The following MBNL1 variants were observed in gnomAD, a reference collection of about 807,000 sequenced individuals.
The protein encoded by MBNL1 is muscleblind like splicing regulator 1, also known as muscleblind-like protein 1.
A neutral mutation model predicts 42.2 loss-of-function variants in MBNL1; 8 were observed. The observed-to-expected ratio is 0.19, with a 90% CI of 0.11 to 0.34. The LOEUF is 0.34. MBNL1 is among the 10% of genes least tolerant of loss of function. The pLI, the probability that MBNL1 is intolerant of heterozygous loss-of-function variation, is 1.00. For missense variants in MBNL1, 309 were observed against 495.3 expected (o/e 0.62, Z 3.57); for synonymous variants, 169 against 173.9 (o/e 0.97, Z 0.22).
intron 1 of MBNL1, among the ~76,000 whole-genome samples, chr3:152,278,305 C>A (rs2046434070): frequency 6.6e-6 from 1 of 152,026 alleles, no homozygotes; most frequent in South Asian, 2.1e-4. Flanking sequence ...GTCTTAGGTA[C>A]CTCTTCCAAA....
chr3:152,445,102 T>C (rs761292204), intron 4 of MBNL1, among the ~76,000 whole-genome samples, 180 bp from the exon 5 acceptor site: 53 of 152,194 alleles, frequency 3.5e-4, no homozygotes, highest in Non-Finnish European at 6.3e-4. Flanking sequence ...TATACTGAAA[T>C]GGAGTTATAA....
At chr3:152,413,739 T>C (rs2098642349) in intron 2 of MBNL1, among the ~76,000 whole-genome samples, 1 of 152,222 alleles carries the variant, frequency 6.6e-6, no homozygotes, top group Non-Finnish European at 1.5e-5. Flanking sequence ...TCTTTTATTC[T>C]ACTGCTTGTA....
chr3:152,328,976 T>G (rs1435964131), intron 2 of MBNL1, among the ~76,000 whole-genome samples: 1 of 152,126 alleles, frequency 6.6e-6, no homozygotes, highest in African/African-American at 2.4e-5. Context: ...AGTAAAATTA[T>G]AGAAGGAGCT....
intron 2 of MBNL1, among the ~76,000 whole-genome samples, chr3:152,361,745 T>A (rs1210495269): frequency 6.6e-6 from 1 of 152,278 alleles, no homozygotes; most frequent in Middle Eastern, 3.4e-3. Flanking sequence ...GATCTTGATG[T>A]CTTGATAGTT....
intron 2 of MBNL1, chr3:152,300,866 G>A (rs964601763): frequency 8.8e-6 from 7 of 793,392 alleles, no homozygotes; most frequent in Non-Finnish European, 1.1e-5. Context: ...TATTTTGTGG[G>A]CATTTTATTT....
At chr3:152,438,942 G>C (rs1449219442) in intron 4 of MBNL1, among the ~76,000 whole-genome samples, 1 of 152,056 alleles carries the variant, frequency 6.6e-6, no homozygotes, top group Admixed American at 6.5e-5. Flanking sequence ...CAGGGGACAC[G>C]TATTCCAGAC....
At chr3:152,396,024 T>C in intron 2 of MBNL1, 1 of 159,276 alleles carries the variant, frequency 6.3e-6, no homozygotes, top group South Asian at 1.6e-4. Context: ...GAGTTCTGCC[T>C]CCTGTCAGAT....
At chr3:152,265,625 A>G (rs959025816), upstream of MBNL1, 3 of 152,258 alleles carry the variant, frequency 2.0e-5, no homozygotes, top group African/African-American at 7.2e-5. Flanking sequence ...CATTATCTAT[A>G]AAAACCATAT....
intron 1 of MBNL1, among the ~76,000 whole-genome samples, chr3:152,281,805 T>C (rs900484206): frequency 3.9e-5 from 6 of 152,044 alleles, no homozygotes; most frequent in Non-Finnish European, 7.3e-5. Flanking sequence ...AATTCATTTT[T>C]TCATCACTAA....
chr3:152,341,061 G>T, intron 2 of MBNL1: 1 of 938,438 alleles, frequency 1.1e-6, no homozygotes, highest in Non-Finnish European at 1.5e-6. Context: ...ATTCATATAT[G>T]AAAACATTCA....
rs2153988559 is a variant in MBNL1, at chr3:152,463,568, A to G, written c.*1202A>G. 1.3e-5 allele frequency: 2 copies of G among 152,648 alleles called. No homozygotes were observed. The highest frequency in any genetic ancestry group is 4.1e-4 in the South Asian group (2 of 4,830). The allele number at this position is 152,648 out of a possible 1,614,324, so 9.5% of individuals were successfully genotyped here. On this transcript the variant is annotated 3_prime_UTR_variant, in exon 10 of 10. Coordinates refer to ENST00000324210, the MANE Select transcript of MBNL1 (RefSeq NM_021038.5). Reference sequence around the variant, plus strand: ...ATAAACCAAAATATGAAAATGGGAAATGTTTAATTAACCTAGTAATTGGGT... The same window carrying G: ...ATAAACCAAAATATGAAAATGGGAAGTGTTTAATTAACCTAGTAATTGGGT...
intron 1 of MBNL1, among the ~76,000 whole-genome samples, chr3:152,273,042 C>T (rs972559443): frequency 6.6e-6 from 1 of 152,160 alleles, no homozygotes; most frequent in Non-Finnish European, 1.5e-5. Context: ...GTTGCCTCAG[C>T]TTGGTGCCAT....
At chr3:152,246,819 T>C (rs1043740177) in intron 2 of MBNL1, among the ~76,000 whole-genome samples, 26 of 152,004 alleles carry the variant, frequency 1.7e-4, no homozygotes, top group African/African-American at 6.3e-4. Flanking sequence ...ATTAAACTAT[T>C]GGGTCCAGGG....
At chr3:152,343,374 C>T (rs964080429) in intron 2 of MBNL1, among the ~76,000 whole-genome samples, 1 of 152,148 alleles carries the variant, frequency 6.6e-6, no homozygotes, top group Admixed American at 6.6e-5. Flanking sequence ...ATGCTAGTCA[C>T]AGCAGGGACT....
chr3:152,258,334 G>A (rs1320479315), intron 2 of MBNL1, among the ~76,000 whole-genome samples: 1 of 152,172 alleles, frequency 6.6e-6, no homozygotes, highest in African/African-American at 2.4e-5. Context: ...GACATTTTAA[G>A]TTTGCAGGAA....
intron 1 of MBNL1, among the ~76,000 whole-genome samples, chr3:152,295,903 A>G (rs546288101): frequency 9.8e-5 from 15 of 152,354 alleles, no homozygotes; most frequent in Admixed American, 3.9e-4. Context: ...AGAAGCAACA[A>G]GATAAAATGT....
At chr3:152,328,070 A>G (rs934670834) in intron 2 of MBNL1, among the ~76,000 whole-genome samples, 1 of 152,174 alleles carries the variant, frequency 6.6e-6, no homozygotes, top group Non-Finnish European at 1.5e-5. Context: ...GTAAGCCAAC[A>G]TTTGAATTTA....
intron 2 of MBNL1, among the ~76,000 whole-genome samples, chr3:152,407,590 C>T (rs1383789129): frequency 6.6e-6 from 1 of 151,924 alleles, no homozygotes; most frequent in African/African-American, 2.4e-5. Context: ...TACAAGGGTG[C>T]TATGATACTA....
intron 2 of MBNL1, among the ~76,000 whole-genome samples, chr3:152,245,413 T>C (rs980379111): frequency 3.3e-5 from 5 of 152,184 alleles, no homozygotes; most frequent in African/African-American, 4.8e-5. Context: ...TATATACATA[T>C]GGAGGTTTGA....
Sources: gnomAD v4.1 joint callset for allele counts (sites outside exome capture counted in the v4.1 genomes callset) on GRCh38, gnomAD v4.1.1 for gene constraint, MANE v1.5 for transcripts, NCBI Gene and HGNC (gene_info 2026-07-23, HGNC 2026-07-21) for gene names.